The following QRICH2 variants were observed in gnomAD, a reference collection of about 807,000 sequenced individuals.
QRICH2 encodes glutamine-rich protein 2.
A neutral mutation model predicts 168.3 loss-of-function variants in QRICH2; 119 were observed. That is an observed-to-expected ratio of 0.71 (90% CI 0.61 to 0.82). QRICH2 has a LOEUF of 0.82. Among genes scored for constraint, QRICH2 ranks in the 40% least tolerant of loss-of-function variants. The pLI is 0.00. For missense variants in QRICH2, 2,241 were observed against 2,491.6 expected (o/e 0.90, Z 2.14); for synonymous variants, 894 against 951.2 (o/e 0.94, Z 1.11).
At chr17:76,294,960 G>T (rs935238626) in intron 3 of QRICH2, among the ~76,000 whole-genome samples, 1 of 151,644 alleles carries the variant, frequency 6.6e-6, no homozygotes, top group Non-Finnish European at 1.5e-5. Context: ...GGTCTGGCAC[G>T]GTGGCTCATG....
In QRICH2 at chr17:76,292,450, A is replaced by G. The variant is rs771243120; in HGVS notation, c.2277T>C (p.Arg759=). The change falls in exon 4 of 19, where the codon CGT becomes CGC. Residue 759 remains arginine (R), a synonymous_variant. Transcript: ENST00000680821. ...RGLVPPGADQ[R]GLVQPGADQH... ...GATCTGCACCAGGTTGGACCAAACC[A>G]CGCTGATCTGCACCAGGTGGGACCA... The G allele has an allele frequency of 6.4e-7, 1 of 1,567,410 alleles. No homozygotes were observed.
Position 76,308,016 on chromosome 17 carries a change from G to A in QRICH2, c.-18C>T. ...GGCGGCATCGTGGCTGTCAGGAGCT[G>A]TGCGCCGCCGCGGGGCGCCGGCCAA... On this transcript the variant is annotated 5_prime_UTR_variant, in exon 1 of 19. Coordinates refer to ENST00000680821, the MANE Select transcript of QRICH2 (RefSeq NM_001388453.1). 1 of 1,232,272 alleles carries A rather than the reference G, an allele frequency of 8.1e-7. No homozygotes were observed. The highest frequency in any genetic ancestry group is 1.0e-6 in the Non-Finnish European group (1 of 987,958). 76.3% of individuals were successfully genotyped at this position (1,232,272 alleles called of 1,614,324 possible).
At position 76,289,932 on chromosome 17, in the gene QRICH2, CAA is replaced by C. The variant is rs2070957078; in HGVS notation, c.3798+58_3798+59del. 14 of 1,225,438 alleles carry C rather than the reference CAA, an allele frequency of 1.1e-5. 1 individual carries two copies. Among genetic ancestry groups the C allele is most frequent in the Non-Finnish European group, 1.4e-5 (12 of 858,344 alleles). 75.9% of individuals were successfully genotyped at this position (1,225,438 alleles called of 1,614,324 possible). A position where few individuals can be genotyped will look rare whatever the true frequency, so the allele number is the denominator to read the frequency against. On this transcript the variant is annotated intron_variant, in intron 5 of 18. Transcript: ENST00000680821. ...TGCCACTGCACTCCAGCCAGGGCGA[CAA>C]GAGCAAAACTCCATCTCAAAAAAAA...
At chr17:76,287,117 A>G in intron 7 of QRICH2, 75 bp downstream of exon 7, 1 of 819,274 alleles carries the variant, frequency 1.2e-6, no homozygotes, top group Non-Finnish European at 2.1e-6. Flanking sequence ...TTTTGATGAG[A>G]GGTGGGAGGG....
At position 76,277,260 on chromosome 17, in the gene QRICH2, C is replaced by CCGCAG; in HGVS notation, c.5163_5167dup (p.Gly1723AlafsTer34). ...GGGGTAGGTGAGGGTGTGGCTGCCC[C>CCGCAG]CGCAGCGCCGGGGCACAGTTGAGTA... On this transcript the variant is annotated frameshift_variant, in exon 16 of 19. Transcript: ENST00000680821. LOFTEE classifies it high-confidence loss of function. 1 of 1,601,856 alleles carries CCGCAG rather than the reference C, an allele frequency of 6.2e-7. No homozygotes were observed. Among genetic ancestry groups the CCGCAG allele is most frequent in the South Asian group, 1.1e-5 (1 of 89,334 alleles).
rs180924391 is a variant in QRICH2, at chr17:76,289,987, C to T, written c.3798+5G>A. 6.3e-7 allele frequency: 1 copy of T among 1,596,652 alleles called. No individual in the cohort carries two copies. The highest frequency in any genetic ancestry group is 1.1e-5 in the South Asian group (1 of 90,060). ...AAAAGACAAAGTGGGTTGACTCTTC[C>T]TTACTTTTGCTTTCTCCTGCCAAAC... On this transcript the variant is annotated splice_donor_5th_base_variant and intron_variant, in intron 5 of 18. Coordinates refer to ENST00000680821, the MANE Select transcript of QRICH2 (RefSeq NM_001388453.1).
chr17:76,286,783 G>A (rs1348675077), intron 7 of QRICH2, among the ~76,000 whole-genome samples: 1 of 151,098 alleles, frequency 6.6e-6, no homozygotes, highest in Non-Finnish European at 1.5e-5. Context: ...GCTGAGGCAG[G>A]AGAATTGCTT....
chr17:76,280,539 G>A lies in QRICH2; in HGVS notation c.4462-88C>T. ...TGGGGGTGTCGACCCCTATCACCAG[G>A]CAGGTTTCTGAGAGCCCACACTCGT... On this transcript the variant is annotated intron_variant, in intron 10 of 18. Coordinates refer to ENST00000680821, the MANE Select transcript of QRICH2 (RefSeq NM_001388453.1). The surrounding 1 kb of genome is among the most constrained non-coding windows in gnomAD (Gnocchi z 7.4). The A allele has an allele frequency of 6.3e-7, 1 of 1,592,054 alleles. No individual in the cohort carries two copies. The highest frequency in any genetic ancestry group is 8.6e-7 in the Non-Finnish European group (1 of 1,165,002).
In QRICH2 at chr17:76,282,115, A is replaced by G. The variant is rs771416235; in HGVS notation, c.4012T>C (p.Leu1338=). The change falls in exon 8 of 19, where the codon TTG becomes CTG. Residue 1338 remains leucine (L), a splice_region_variant and synonymous_variant. Coordinates refer to ENST00000680821, the MANE Select transcript of QRICH2 (RefSeq NM_001388453.1). The stretch of plus-strand genomic sequence containing the variant: ...TCAATGATCATCCTGAGCTTGTCCA[A>G]CTGCGTGCAGGAGAGACGGCAGCAG... ...SEASLYLQDQ[L]DKLRMIIESM... 7.5e-6 allele frequency: 12 copies of G among 1,600,220 alleles called. No homozygotes were observed. Among genetic ancestry groups the G allele is most frequent in the Non-Finnish European group, 6.0e-6 (7 of 1,169,282 alleles).
At chr17:76,301,180 G>A (rs952010309) in intron 3 of QRICH2, among the ~76,000 whole-genome samples, 5 of 152,078 alleles carry the variant, frequency 3.3e-5, no homozygotes, top group African/African-American at 1.2e-4. Flanking sequence ...TGGTACCACT[G>A]CACTCCAGCC....
chr17:76,288,381 C>CT (rs1421693056), intron 5 of QRICH2, among the ~76,000 whole-genome samples: 5 of 78,236 alleles, frequency 6.4e-5, no homozygotes, highest in Non-Finnish European at 1.1e-4. Flanking sequence ...AAGAATCAGT[C>CT]TTAAAAAAAA....
intron 3 of QRICH2, among the ~76,000 whole-genome samples, chr17:76,295,335 T>C (rs1013905184): frequency 3.3e-5 from 5 of 151,938 alleles, no homozygotes; most frequent in African/African-American, 4.8e-5. Context: ...TAAAAGTGTA[T>C]ACTGGAATGC....
rs781131564 is a variant in QRICH2 at position 76,293,159 on chromosome 17, T to C, written c.1568A>G (p.His523Arg). ...QGLTLPVVDQ[H>R]GLVLPFTDQH... ...GTCTGTAAAAGGTAGAACCAGGCCA[T>C]GTTGATCGACGACAGGCAATGTCAA... Residue 523 changes from histidine to arginine, a missense_variant, in exon 4 of 19, where the codon CAT (histidine) becomes CGT (arginine). Coordinates refer to ENST00000680821, the MANE Select transcript of QRICH2 (RefSeq NM_001388453.1). 14 of 1,614,210 alleles carry C rather than the reference T, an allele frequency of 8.7e-6. No individual in the cohort carries two copies. The highest frequency in any genetic ancestry group is 1.0e-5 in the Non-Finnish European group (12 of 1,180,026).
At chr17:76,294,802 G>A (rs1332574446) in intron 3 of QRICH2, among the ~76,000 whole-genome samples, 13 of 134,164 alleles carry the variant, frequency 9.7e-5, no homozygotes, top group Non-Finnish European at 1.8e-4. Context: ...GACAGAGTGA[G>A]ACTCCTTCTC....
In QRICH2 at chr17:76,299,473, C is replaced by A. The variant is rs143726371; in HGVS notation, c.705+4942G>T. ...CAAGAGGGGCCGGGCGCGGTGGCTC[C>A]AGCCTGTAATCCTAGCACTTTGGGA... On this transcript the variant is annotated intron_variant, in intron 3 of 18. Transcript: ENST00000680821. 5.4e-3 allele frequency among the ~76,000 whole-genome samples: 818 copies of A among 152,164 alleles called. 10 individuals are homozygous for A. The highest frequency in any genetic ancestry group is 0.019 in the African/African-American group (784 of 41,538).
intron 3 of QRICH2, among the ~76,000 whole-genome samples, chr17:76,299,682 A>C (rs1011986860): frequency 2.6e-5 from 4 of 151,906 alleles, no homozygotes; most frequent in Admixed American, 2.6e-4. Context: ...CGTTGCAGTG[A>C]GCCAAGATTG....
In QRICH2 at chr17:76,291,205, T is replaced by A; in HGVS notation, c.3522A>T (p.Glu1174Asp). Residue 1174 changes from glutamate to aspartate, a missense_variant, in exon 4 of 19, where the codon GAA (glutamate) becomes GAT (aspartate). Transcript: ENST00000680821. ...GTGAATTGCGTCGCTCACTCAGGAC[T>A]TCACTCGAGACTTCGCTCCCTTCTG... ...VLSEGSEVSS[E>D]VLSERRNSLR... 1 of 1,614,206 alleles carries A rather than the reference T, an allele frequency of 6.2e-7. No individual in the cohort carries two copies. The highest frequency in any genetic ancestry group is 8.5e-7 in the Non-Finnish European group (1 of 1,180,042).
intron 7 of QRICH2, among the ~76,000 whole-genome samples, chr17:76,285,739 C>G (rs1306352830): frequency 6.6e-6 from 1 of 151,936 alleles, no homozygotes; most frequent in Non-Finnish European, 1.5e-5. Flanking sequence ...ATCCCAGCTA[C>G]TTGGGAGGCT....
rs775325715 is a variant in QRICH2, at chr17:76,293,519, A to G, written c.1208T>C (p.Val403Ala). 6.2e-7 allele frequency: 1 copy of G among 1,614,234 alleles called. No individual in the cohort carries two copies. Among genetic ancestry groups the G allele is most frequent in the Middle Eastern group, 1.6e-4 (1 of 6,062 alleles). ...ACCATGTGGGTAAGTGCTAGCAGGC[A>G]CTAATCCAGGCTGATTCATGCCAGT... ...EPTGMNQPGLVPASTYPHGVV... is the reference protein window; with the variant it reads ...EPTGMNQPGLAPASTYPHGVV... Residue 403 changes from valine to alanine, a missense_variant, in exon 4 of 19, where the codon GTG becomes GCG. Around this residue, in one of 3 missense-constraint regions of QRICH2, gnomAD observed 2,047 missense variants for 2,303.8 expected, o/e 0.89. Coordinates refer to ENST00000680821, the MANE Select transcript of QRICH2 (RefSeq NM_001388453.1).
Sources: gnomAD v4.1 joint callset for allele counts (sites outside exome capture counted in the v4.1 genomes callset) on GRCh38, gnomAD v4.1.1 for gene constraint, gnomAD v4.1.1 regional missense constraint, Gnocchi (gnomAD v3.1) non-coding constraint, MANE v1.5 for transcripts, NCBI Gene and HGNC (gene_info 2026-07-23, HGNC 2026-07-21) for gene names.